Variants in MSI2 observed in about 807,000 individuals in gnomAD.
The protein encoded by MSI2 is musashi RNA binding protein 2.
MSI2 carries 17 observed loss-of-function variants against 45.6 expected under a neutral mutation model. The ratio of observed to expected loss-of-function variants is 0.37; its 90% confidence interval spans 0.26 to 0.56. The LOEUF (loss-of-function observed/expected upper bound fraction) is 0.56, where lower values mean the gene tolerates loss of function less well. Among genes scored for constraint, MSI2 ranks in the 20% least tolerant of loss-of-function variants. The probability of loss-of-function intolerance (pLI) is 0.77; values close to 1 mark genes in which losing one functional copy is unlikely to be tolerated. For synonymous variants in MSI2, 156 were observed against 158.2 expected (o/e 0.99, Z 0.11); for missense variants, 293 against 444.2 (o/e 0.66, Z 3.06).
intron 11 of MSI2, among the ~76,000 whole-genome samples, chr17:57,659,682 C>T (rs1911858533): frequency 1.3e-5 from 2 of 152,098 alleles, no homozygotes; most frequent in African/African-American, 4.8e-5. Flanking sequence ...ATGAGGGACA[C>T]ACCTGCCCCC....
At chr17:57,583,845 C>T (rs1391424985) in intron 7 of MSI2, among the ~76,000 whole-genome samples, 2 of 152,170 alleles carry the variant, frequency 1.3e-5, no homozygotes, top group Non-Finnish European at 2.9e-5. Context: ...GGTGCTACCC[C>T]TAACTCAATT....
At chr17:57,580,067 G>GA (rs531964033) in intron 7 of MSI2, among the ~76,000 whole-genome samples, 591 of 138,072 alleles carry the variant, frequency 4.3e-3, no homozygotes, top group Middle Eastern at 0.019. Flanking sequence ...GAATGTTCCA[G>GA]AAAAAAAAAA....
intron 7 of MSI2, among the ~76,000 whole-genome samples, chr17:57,537,597 C>G (rs1259827735): frequency 6.6e-6 from 1 of 152,196 alleles, no homozygotes; most frequent in Non-Finnish European, 1.5e-5. Context: ...CAACATCGAT[C>G]CAAGACCTTA....
At chr17:57,403,898 C>A (rs1224450411) in intron 6 of MSI2, among the ~76,000 whole-genome samples, 1 of 151,504 alleles carries the variant, frequency 6.6e-6, no homozygotes, top group Non-Finnish European at 1.5e-5. Flanking sequence ...CCCTTCGGTA[C>A]TTTATACTCT....
At chr17:57,691,738 A>G in the MSI2 span, among the ~76,000 whole-genome samples, 2 of 152,160 alleles carry the variant, frequency 1.3e-5, no homozygotes, top group Non-Finnish European at 2.9e-5. Flanking sequence ...GCTTTTTTAT[A>G]GATTCATTGG....
At chr17:57,427,586 A>G (rs536174021) in intron 6 of MSI2, among the ~76,000 whole-genome samples, 1 of 152,150 alleles carries the variant, frequency 6.6e-6, no homozygotes. Context: ...TAAGGCTGAA[A>G]TGAGGCCACG....
intron 7 of MSI2, among the ~76,000 whole-genome samples, chr17:57,564,714 C>T (rs949202698): frequency 1.3e-5 from 2 of 152,188 alleles, no homozygotes; most frequent in Non-Finnish European, 2.9e-5. Context: ...TTGGGAGTCT[C>T]ATCAAGTATG....
At chr17:57,476,194 C>T (rs544451871) in intron 6 of MSI2, among the ~76,000 whole-genome samples, 106 of 152,330 alleles carry the variant, frequency 7.0e-4, no homozygotes, top group Non-Finnish European at 1.5e-3. Context: ...TGATTTACAT[C>T]AGCAGCTCCC....
At chr17:57,434,336 G>A (rs1251362796) in intron 6 of MSI2, among the ~76,000 whole-genome samples, 1 of 152,150 alleles carries the variant, frequency 6.6e-6, no homozygotes, top group East Asian at 1.9e-4. Flanking sequence ...CTGAACTCAG[G>A]CAATCTGCCC....
chr17:57,511,263 C>T lies in MSI2; in HGVS notation c.406-18413C>T, dbSNP rs568127095. On this transcript the variant is annotated intron_variant, in intron 6 of 13. Coordinates refer to ENST00000284073, the MANE Select transcript of MSI2 (RefSeq NM_138962.4). ...CTGGCAGGAACTTACCATGGTCATG[C>T]AGACGTCAGGGTGGAACAAAGGAAG... Among the ~76,000 whole-genome samples, 3 of 152,312 alleles carry T rather than the reference C, an allele frequency of 2.0e-5. No homozygotes were observed. In the South Asian group the frequency reaches 6.2e-4, roughly 32 times the overall value.
intron 5 of MSI2, among the ~76,000 whole-genome samples, chr17:57,314,159 T>G (rs1031687482): frequency 6.6e-6 from 1 of 152,146 alleles, no homozygotes; most frequent in African/African-American, 2.4e-5. Flanking sequence ...TTTGTATGAG[T>G]GCACATGTAT....
chr17:57,285,770 C>T (rs776441145), intron 5 of MSI2: 73 of 1,214,998 alleles, frequency 6.0e-5, no homozygotes, highest in Non-Finnish European at 7.7e-5. Flanking sequence ...ATTTTCTTAG[C>T]AAGCATCATT....
intron 5 of MSI2, among the ~76,000 whole-genome samples, chr17:57,369,172 C>T (rs1330171608): frequency 1.3e-5 from 2 of 152,176 alleles, no homozygotes; most frequent in African/African-American, 2.4e-5. Flanking sequence ...GTACCATTTT[C>T]GGTTCTTTTG....
At chr17:57,410,900 A>G (rs1383697613) in intron 6 of MSI2, among the ~76,000 whole-genome samples, 1 of 152,236 alleles carries the variant, frequency 6.6e-6, no homozygotes, top group Non-Finnish European at 1.5e-5. Context: ...TGGAATGACA[A>G]GGGTATGGAA....
At chr17:57,383,864 A>G (rs1398743887) in intron 5 of MSI2, among the ~76,000 whole-genome samples, 2 of 152,210 alleles carry the variant, frequency 1.3e-5, no homozygotes, top group Non-Finnish European at 2.9e-5. Flanking sequence ...AGAGACTGCC[A>G]GGTCACTCCA....
intron 5 of MSI2, among the ~76,000 whole-genome samples, chr17:57,344,986 C>T (rs891470361): frequency 5.9e-5 from 9 of 152,112 alleles, no homozygotes; most frequent in African/African-American, 2.2e-4. Flanking sequence ...TCACTTGAAC[C>T]CGGGAGGTGG....
intron 5 of MSI2, among the ~76,000 whole-genome samples, chr17:57,309,595 A>G (rs1875867366): frequency 6.6e-6 from 1 of 152,224 alleles, no homozygotes; most frequent in African/African-American, 2.4e-5. Context: ...TGCAATAAAT[A>G]TTGGGAAATG....
chr17:57,679,678 G>A lies in MSI2; in HGVS notation c.*161G>A, dbSNP rs949622204. ...AACCAGAGATGGCTCACTTCGGATC[G>A]AGGGTTGACTACATCTCATCATCTC... On this transcript the variant is annotated 3_prime_UTR_variant, in exon 14 of 14. Transcript: ENST00000284073. 132 of 910,486 alleles carry A rather than the reference G, an allele frequency of 1.4e-4. No homozygotes were observed. Among genetic ancestry groups the A allele is most frequent in the Non-Finnish European group, 1.7e-4 (128 of 737,864 alleles). 56.4% of individuals were successfully genotyped at this position (910,486 alleles called of 1,614,324 possible). A position where few individuals can be genotyped will look rare whatever the true frequency, so the allele number is the denominator to read the frequency against.
At chr17:57,465,627 C>T (rs2085316446) in intron 6 of MSI2, among the ~76,000 whole-genome samples, 1 of 152,136 alleles carries the variant, frequency 6.6e-6, no homozygotes, top group Non-Finnish European at 1.5e-5. Context: ...AGGCCTTACC[C>T]AAAGCCCATG....
Sources: gnomAD v4.1 joint callset for allele counts (sites outside exome capture counted in the v4.1 genomes callset) on GRCh38, gnomAD v4.1.1 for gene constraint, MANE v1.5 for transcripts, NCBI Gene and HGNC (gene_info 2026-07-23, HGNC 2026-07-21) for gene names.